Variants in TMEM163 observed in about 807,000 individuals in gnomAD.
TMEM163 encodes transmembrane protein 163.
A neutral mutation model predicts 29.3 loss-of-function variants in TMEM163; 17 were observed. The ratio of observed to expected loss-of-function variants is 0.58; its 90% CI spans 0.40 to 0.87. The LOEUF is 0.87. Ranked by LOEUF, TMEM163 falls within the 40% of genes least tolerant of loss-of-function variation. The probability of loss-of-function intolerance (pLI) is 0.00; values close to 1 mark genes in which losing one functional copy is unlikely to be tolerated. For missense variants in TMEM163, 303 were observed against 381.5 expected (o/e 0.79, Z 1.71); for synonymous variants, 157 against 160.6 (o/e 0.98, Z 0.17).
At chr2:134,662,214 C>T (rs1443997913) in intron 2 of TMEM163, among the ~76,000 whole-genome samples, 2 of 152,222 alleles carry the variant, frequency 1.3e-5, no homozygotes, top group South Asian at 2.1e-4. Context: ...GGATTACAGG[C>T]GTGAGCCACT....
chr2:134,670,206 T>C (rs1233610966), intron 2 of TMEM163, among the ~76,000 whole-genome samples: 4 of 152,142 alleles, frequency 2.6e-5, no homozygotes, highest in Non-Finnish European at 5.9e-5. Flanking sequence ...TTGTCAGTGT[T>C]TAATTTCACA....
At chr2:134,596,315 T>C (rs1574267143) in intron 2 of TMEM163, among the ~76,000 whole-genome samples, 1 of 152,242 alleles carries the variant, frequency 6.6e-6, no homozygotes. Flanking sequence ...GGATCCAGTT[T>C]CAGCTTTCTA....
chr2:134,713,687 T>G (rs1187600702), intron 1 of TMEM163: 2 of 464,990 alleles, frequency 4.3e-6, no homozygotes, highest in Non-Finnish European at 8.6e-6. Flanking sequence ...GACCTTTCTG[T>G]TAGGAAAACA....
chr2:134,713,498 C>T, intron 1 of TMEM163, 179 bp from the exon 2 acceptor site: 1 of 900,232 alleles, frequency 1.1e-6, no homozygotes, highest in Non-Finnish European at 1.8e-6. Context: ...CTTTCTGGCA[C>T]CCCTTGAAAA....
chr2:134,571,288 C>T lies in TMEM163; in HGVS notation c.323-19197G>A, dbSNP rs151130979. On this transcript the variant is annotated intron_variant, in intron 2 of 7. Coordinates refer to ENST00000281924, the MANE Select transcript of TMEM163 (RefSeq NM_030923.5). ...CATATACTGTCTCGCTTTCCATTGA[C>T]CCTTTCTTGCTTGTGTTTCTCACAA... Among the ~76,000 whole-genome samples the T allele has an allele frequency of 8.8e-3, 1,339 of 152,224 alleles. 25 individuals carry two copies. The highest frequency in any genetic ancestry group is 0.03 in the African/African-American group (1,246 of 41,524).
At chr2:134,560,073 C>A (rs1309031081) in intron 2 of TMEM163, among the ~76,000 whole-genome samples, 1 of 152,026 alleles carries the variant, frequency 6.6e-6, no homozygotes, top group Non-Finnish European at 1.5e-5. Flanking sequence ...CAGAAACAAG[C>A]TTACTCCAGG....
intron 6 of TMEM163, among the ~76,000 whole-genome samples, chr2:134,461,734 A>T (rs1686542235): frequency 6.6e-6 from 1 of 152,162 alleles, no homozygotes; most frequent in African/African-American, 2.4e-5. Context: ...AGCTGTAAGG[A>T]CACCCCAGCG....
chr2:134,524,321 A>G (rs916540426), intron 4 of TMEM163, among the ~76,000 whole-genome samples: 19 of 114,228 alleles, frequency 1.7e-4, no homozygotes. Context: ...GAAATGCAAG[A>G]GTTTTTGTTT....
intron 2 of TMEM163, among the ~76,000 whole-genome samples, chr2:134,664,866 TTTTTGTTTTGTTTTA>T (rs1189176397): frequency 6.6e-6 from 1 of 152,126 alleles, no homozygotes; most frequent in African/African-American, 2.4e-5. Flanking sequence ...GTTGGGTTTT[TTTTTGTTTTGTTTTA>T]TTTTGTTTTG....
At chr2:134,575,882 GC>G (rs1681543882) in intron 2 of TMEM163, among the ~76,000 whole-genome samples, 2 of 152,070 alleles carry the variant, frequency 1.3e-5, no homozygotes, top group African/African-American at 2.4e-5. Flanking sequence ...AAAAGGACAG[GC>G]CCCAGGAAGA....
intron 6 of TMEM163, among the ~76,000 whole-genome samples, chr2:134,459,881 T>C (rs1379202717): frequency 6.6e-6 from 1 of 152,034 alleles, no homozygotes; most frequent in Non-Finnish European, 1.5e-5. Context: ...GCTTTTGTCC[T>C]GACCTTTGAC....
At chr2:134,552,539 G>C (rs1330376484) in intron 2 of TMEM163, among the ~76,000 whole-genome samples, 1 of 151,730 alleles carries the variant, frequency 6.6e-6, no homozygotes, top group African/African-American at 2.4e-5. Flanking sequence ...ATCCAATGTA[G>C]ACACCAGTAA....
chr2:134,671,309 C>G (rs1339422847), intron 2 of TMEM163, among the ~76,000 whole-genome samples: 1 of 152,182 alleles, frequency 6.6e-6, no homozygotes, highest in African/African-American at 2.4e-5. Context: ...ACAGACACCC[C>G]TGCAGCAAGG....
chr2:134,701,047 G>C (rs982665730), intron 2 of TMEM163, among the ~76,000 whole-genome samples: 1 of 151,796 alleles, frequency 6.6e-6, no homozygotes, highest in Admixed American at 6.6e-5. Flanking sequence ...CATAGAGACG[G>C]TCCACATGGT....
At chr2:134,538,932 A>G (rs908610519) in intron 4 of TMEM163, among the ~76,000 whole-genome samples, 5 of 152,146 alleles carry the variant, frequency 3.3e-5, no homozygotes, top group African/African-American at 1.2e-4. Context: ...GGCACAACTG[A>G]CTATACTAAA....
At chr2:134,699,528 A>G (rs2104890251) in intron 2 of TMEM163, among the ~76,000 whole-genome samples, 1 of 152,268 alleles carries the variant, frequency 6.6e-6, no homozygotes, top group African/African-American at 2.4e-5. Flanking sequence ...TGTTGTAGAT[A>G]TGATGACATA....
chr2:134,559,311 C>T (rs1244434881), intron 2 of TMEM163, among the ~76,000 whole-genome samples: 2 of 152,172 alleles, frequency 1.3e-5, no homozygotes, highest in Non-Finnish European at 2.9e-5. Context: ...GCATGAGCAA[C>T]CTGCTATGTC....
At chr2:134,518,457 C>A (rs1020005852) in intron 4 of TMEM163, among the ~76,000 whole-genome samples, 4 of 152,196 alleles carry the variant, frequency 2.6e-5, no homozygotes, top group African/African-American at 9.7e-5. Flanking sequence ...TATCATCCTG[C>A]CTGTCCTAGA....
At chr2:134,627,673 AC>A (rs1320710160) in intron 2 of TMEM163, among the ~76,000 whole-genome samples, 7 of 152,212 alleles carry the variant, frequency 4.6e-5, no homozygotes, top group Admixed American at 2.6e-4. Flanking sequence ...ATGTATGGAT[AC>A]GCAACAGAGA....
Sources: allele counts gnomAD v4.1 joint callset (sites outside exome capture counted in the v4.1 genomes callset), GRCh38; gene constraint gnomAD v4.1.1; transcripts MANE v1.5; gene names NCBI Gene and HGNC (gene_info 2026-07-23, HGNC 2026-07-21).